Variants in ESRRG observed in about 807,000 individuals in gnomAD.
ESRRG encodes estrogen related receptor gamma, also known as estrogen-related receptor gamma.
A neutral mutation model predicts 44.0 loss-of-function variants in ESRRG; 13 were observed. The observed-to-expected ratio is 0.30, with a 90% CI of 0.19 to 0.47. The LOEUF (loss-of-function observed/expected upper bound fraction) is 0.47. ESRRG is among the 20% of genes least tolerant of loss of function. ESRRG has a pLI of 1.00. For missense variants in ESRRG, 395 were observed against 580.6 expected, an observed-to-expected ratio of 0.68 and a Z score of 3.29; for synonymous variants, 215 against 214.6, an observed-to-expected ratio of 1.00 and a Z score of -0.02.
intron 1 of ESRRG, among the ~76,000 whole-genome samples, chr1:216,962,651 TA>T (rs2069355329): frequency 6.6e-6 from 1 of 152,134 alleles, no homozygotes; most frequent in African/African-American, 2.4e-5. Flanking sequence ...ATCTTGTTGC[TA>T]AAAAACAAAG....
chr1:217,023,338 T>C (rs1029818887), intron 1 of ESRRG, among the ~76,000 whole-genome samples: 2 of 151,322 alleles, frequency 1.3e-5, no homozygotes, highest in South Asian at 2.1e-4. Context: ...AGGAGGAGGG[T>C]TCCCAGAGAC....
At chr1:216,984,032 G>A (rs911376406) in intron 1 of ESRRG, among the ~76,000 whole-genome samples, 10 of 131,630 alleles carry the variant, frequency 7.6e-5, no homozygotes, top group African/African-American at 2.6e-4. Flanking sequence ...GAGAGGGGGC[G>A]GAGAGATAAT....
intron 3 of ESRRG, among the ~76,000 whole-genome samples, chr1:216,628,235 CTTTA>C (rs1460190937): frequency 6.6e-6 from 1 of 152,126 alleles, no homozygotes; most frequent in Non-Finnish European, 1.5e-5. Context: ...AGGATCCAAT[CTTTA>C]TTTATTTATT....
chr1:217,121,421 C>G (rs2092818385), intron 1 of ESRRG, among the ~76,000 whole-genome samples: 1 of 152,150 alleles, frequency 6.6e-6, no homozygotes, highest in South Asian at 2.1e-4. Flanking sequence ...AGAAAAATCA[C>G]TCTCCTGGTA....
chr1:216,715,295 C>A, intron 1 of ESRRG: 3 of 913,404 alleles, frequency 3.3e-6, no homozygotes, highest in Non-Finnish European at 3.9e-6. Flanking sequence ...GACCCAGCAC[C>A]AACTGTATAC....
intron 2 of ESRRG, among the ~76,000 whole-genome samples, chr1:216,755,799 T>C (rs2152317100): frequency 6.6e-6 from 1 of 152,070 alleles, no homozygotes; most frequent in East Asian, 1.9e-4. Flanking sequence ...GGATTTACTT[T>C]GCAATATATA....
chr1:216,840,865 A>G (rs952505841), intron 2 of ESRRG, among the ~76,000 whole-genome samples: 1 of 152,204 alleles, frequency 6.6e-6, no homozygotes, highest in Admixed American at 6.5e-5. Context: ...AATAAGCACA[A>G]TAATAACATC....
intron 2 of ESRRG, among the ~76,000 whole-genome samples, chr1:216,838,753 T>C (rs968729167): frequency 1.3e-5 from 2 of 152,208 alleles, no homozygotes; most frequent in African/African-American, 2.4e-5. Flanking sequence ...TTCCAGTGCA[T>C]TTAAAAGTTA....
Position 216,505,468 on chromosome 1 carries a change from T to A in ESRRG, c.*1471A>T, listed in dbSNP as rs1004561303. On this transcript the variant is annotated 3_prime_UTR_variant, in exon 7 of 7. Coordinates refer to ENST00000408911, the MANE Select transcript of ESRRG (RefSeq NM_001438.4). ...GTCTTTGATGATTTTTTTTTTTAAT[T>A]CTGGCATTTGCCTTATTGCCTCTTA... The A allele has an allele frequency of 2.2e-4, 33 of 152,628 alleles. No homozygotes were observed. The highest frequency in any genetic ancestry group is 7.7e-4 in the African/African-American group (32 of 41,444). The allele number at this position is 152,628 out of a possible 1,614,324, so 9.5% of individuals were successfully genotyped here. A position where few individuals can be genotyped will look rare whatever the true frequency, so the allele number is the denominator to read the frequency against.
chr1:216,635,319 A>T (rs764100172), intron 3 of ESRRG, among the ~76,000 whole-genome samples: 7 of 152,208 alleles, frequency 4.6e-5, no homozygotes, highest in Non-Finnish European at 8.8e-5. Context: ...GCAAGTAAAG[A>T]GCTCACAGGT....
At chr1:216,583,565 C>T (rs765753141) in intron 3 of ESRRG, among the ~76,000 whole-genome samples, 6 of 152,194 alleles carry the variant, frequency 3.9e-5, no homozygotes, top group Non-Finnish European at 5.9e-5. Flanking sequence ...CATGGCTGGC[C>T]TCTTAGCATT....
intron 1 of ESRRG, among the ~76,000 whole-genome samples, chr1:216,713,533 G>A (rs894860175): frequency 1.3e-5 from 2 of 152,122 alleles, no homozygotes; most frequent in African/African-American, 2.4e-5. Context: ...GATTGACATA[G>A]GGCATAACTG....
chr1:217,089,483 A>ATGAT, intron 1 of ESRRG: 1 of 152,148 alleles, frequency 6.6e-6, no homozygotes, highest in East Asian at 1.9e-4. Flanking sequence ...CCAGATGTTG[A>ATGAT]TGATAAGGAT....
At chr1:217,067,009 C>G (rs2089830016) in intron 1 of ESRRG, among the ~76,000 whole-genome samples, 1 of 152,194 alleles carries the variant, frequency 6.6e-6, no homozygotes, top group Admixed American at 6.5e-5. Context: ...AACCCATTGC[C>G]TAACAGGAAC....
At chr1:216,673,634 G>T (rs1215280038) in intron 2 of ESRRG, among the ~76,000 whole-genome samples, 1 of 152,244 alleles carries the variant, frequency 6.6e-6, no homozygotes, top group Non-Finnish European at 1.5e-5. Context: ...ATCATGCATA[G>T]AATTCCAATT....
At chr1:217,062,937 GC>G (rs1558160990) in intron 1 of ESRRG, among the ~76,000 whole-genome samples, 1 of 152,132 alleles carries the variant, frequency 6.6e-6, no homozygotes, top group African/African-American at 2.4e-5. Context: ...TAAGGTGCAC[GC>G]TACTTCATCA....
At chr1:216,661,989 C>T (rs2072571077) in intron 2 of ESRRG, among the ~76,000 whole-genome samples, 2 of 152,184 alleles carry the variant, frequency 1.3e-5, no homozygotes, top group Middle Eastern at 3.4e-3. Context: ...TTTGGAGTTA[C>T]CTTCTTTATG....
chr1:217,083,295 TTCATTCGAAACCACAGATACTGAGC>T lies in ESRRG; in HGVS notation c.-106+6187_-106+6211del, dbSNP rs548117042. Among the ~76,000 whole-genome samples the T allele has an allele frequency of 8.5e-5, 13 of 152,340 alleles. No homozygotes were observed. In the South Asian group the frequency reaches 2.3e-3, roughly 27 times the overall value. ...ACCAGACTCTAAATTTCATGAGGCT[TTCATTCGAAACCACAGATACTGAGC>T]TCATTTACTACTCGGTATACTAATA... On this transcript the variant is annotated intron_variant, in intron 1 of 7. Transcript: ENST00000359162.
intron 1 of ESRRG, among the ~76,000 whole-genome samples, chr1:216,962,701 T>C (rs1288977569): frequency 1.3e-5 from 2 of 152,214 alleles, no homozygotes; most frequent in Non-Finnish European, 2.9e-5. Context: ...AAGTGCACTG[T>C]ATAGGAACCA....
Sources: gnomAD v4.1 joint callset for allele counts (sites outside exome capture counted in the v4.1 genomes callset) on GRCh38, gnomAD v4.1.1 for gene constraint, MANE v1.5 for transcripts, NCBI Gene and HGNC (gene_info 2026-07-23, HGNC 2026-07-21) for gene names.